The following EEIG2 variants were observed in gnomAD, a reference collection of about 807,000 sequenced individuals.
EEIG2 encodes the protein EEIG family member 2.
At chr1:108,606,921 C>T in the EEIG2 span, among the ~76,000 whole-genome samples, 1 of 152,220 alleles carries the variant, frequency 6.6e-6, no homozygotes, top group African/African-American at 2.4e-5. Flanking sequence ...CCTTGGCCTC[C>T]CAAAGTGCTG....
At chr1:108,575,710 CA>C in the EEIG2 span, among the ~76,000 whole-genome samples, 676 of 152,018 alleles carry the variant, frequency 4.4e-3, 1 homozygote, top group Non-Finnish European at 8.1e-3. Context: ...AAGCTAGTCA[CA>C]AAAAAACACA....
the EEIG2 span, among the ~76,000 whole-genome samples, chr1:108,570,841 T>C: frequency 0.14 from 21,281 of 152,012 alleles, 2,256 homozygotes; most frequent in African/African-American, 0.3. Flanking sequence ...AAGGAAAATA[T>C]GGAACAGTTG....
At chr1:108,604,032 A>G in the EEIG2 span, among the ~76,000 whole-genome samples, 1 of 152,244 alleles carries the variant, frequency 6.6e-6, no homozygotes, top group Admixed American at 6.5e-5. Context: ...AGGAGGAGAG[A>G]CAAGTGAGTG....
At chr1:108,618,741 AG>A in the EEIG2 span, among the ~76,000 whole-genome samples, 1 of 151,620 alleles carries the variant, frequency 6.6e-6, no homozygotes, top group Admixed American at 6.6e-5. Context: ...TGGGAGGCTA[AG>A]GGGAGGATTG....
At chr1:108,601,128 T>C in the EEIG2 span, among the ~76,000 whole-genome samples, 1 of 152,110 alleles carries the variant, frequency 6.6e-6, no homozygotes, top group African/African-American at 2.4e-5. Flanking sequence ...AATGGCAAAG[T>C]CGGGACTCAA....
the EEIG2 span, among the ~76,000 whole-genome samples, chr1:108,593,300 A>G: frequency 2.0e-5 from 3 of 152,236 alleles, no homozygotes; most frequent in South Asian, 2.1e-4. Flanking sequence ...GAGGTCCAAA[A>G]TGACTGATGA....
chr1:108,580,296 T>G, the EEIG2 span, among the ~76,000 whole-genome samples: 20 of 151,942 alleles, frequency 1.3e-4, no homozygotes, highest in Non-Finnish European at 2.9e-5. Flanking sequence ...TCACTGGCCA[T>G]TCCTTCATCT....
At chr1:108,616,974 G>A in the EEIG2 span, among the ~76,000 whole-genome samples, 14 of 152,078 alleles carry the variant, frequency 9.2e-5, no homozygotes, top group Admixed American at 6.5e-5. Context: ...GGCCCCCCCC[G>A]GTAAAGATGA....
chr1:108,616,234 A>C, the EEIG2 span: 1 of 638,360 alleles, frequency 1.6e-6, no homozygotes, highest in East Asian at 2.9e-5. Context: ...GGCTCAAACA[A>C]TCCTCCTGCC....
the EEIG2 span, among the ~76,000 whole-genome samples, chr1:108,608,431 A>G: frequency 0.013 from 2,047 of 152,342 alleles, 31 homozygotes; most frequent in Non-Finnish European, 0.016. Flanking sequence ...GATGCTGAAG[A>G]TTATTTCATG....
At chr1:108,616,424 A>C in the EEIG2 span, 1 of 1,590,010 alleles carries the variant, frequency 6.3e-7, no homozygotes, top group Non-Finnish European at 8.6e-7. Context: ...CCCATGTTTT[A>C]AAACGTAAGT....
the EEIG2 span, among the ~76,000 whole-genome samples, chr1:108,610,811 G>A: frequency 2.0e-5 from 3 of 152,120 alleles, no homozygotes; most frequent in Non-Finnish European, 2.9e-5. Flanking sequence ...GTGGGCGCCT[G>A]TAGTCCCAGC....
chr1:108,567,229 T>C, the EEIG2 span, among the ~76,000 whole-genome samples: 5 of 152,342 alleles, frequency 3.3e-5, no homozygotes, highest in Admixed American at 3.3e-4. Context: ...CACATTATTA[T>C]AATACCTGTA....
At chr1:108,613,141 T>G in the EEIG2 span, among the ~76,000 whole-genome samples, 501 of 152,306 alleles carry the variant, frequency 3.3e-3, 3 homozygotes, top group African/African-American at 0.011. Context: ...CGAGTTGATA[T>G]GGGAAGGAAA....
At chr1:108,611,820 C>T in the EEIG2 span, among the ~76,000 whole-genome samples, 2 of 152,082 alleles carry the variant, frequency 1.3e-5, no homozygotes, top group African/African-American at 4.8e-5. Context: ...TAGTATTTCC[C>T]ACAGGGTGGT....
At chr1:108,635,600 T>TACAAATTACA in the EEIG2 span, 1 of 153,824 alleles carries the variant, frequency 6.5e-6, no homozygotes, top group Non-Finnish European at 1.4e-5. Context: ...TTTGTCAAGA[T>TACAAATTACA]AGTTGTAATT....
the EEIG2 span, among the ~76,000 whole-genome samples, chr1:108,606,810 T>C: frequency 6.6e-6 from 1 of 152,268 alleles, no homozygotes; most frequent in South Asian, 2.1e-4. Flanking sequence ...GTCTTTTTTT[T>C]CCCCTAATTT....
the EEIG2 span, chr1:108,560,395 C>T: frequency 3.3e-6 from 5 of 1,534,984 alleles, no homozygotes; most frequent in African/African-American, 6.3e-5. Context: ...GGCGCCCGGC[C>T]GTGCGCCCAG....
chr1:108,565,638 C>T, the EEIG2 span, among the ~76,000 whole-genome samples: 1 of 151,850 alleles, frequency 6.6e-6, no homozygotes, highest in Non-Finnish European at 1.5e-5. Context: ...GTGCTGATAG[C>T]CAAATAGTTT....
Sources: allele counts gnomAD v4.1 joint callset (sites outside exome capture counted in the v4.1 genomes callset), GRCh38; gene constraint gnomAD v4.1.1; transcripts MANE v1.5; gene names NCBI Gene and HGNC (gene_info 2026-07-23, HGNC 2026-07-21).